TTC34: variants seen among roughly 807,000 people sequenced by gnomAD.
TTC34 encodes tetratricopeptide repeat domain 34.
A neutral mutation model predicts 40.7 loss-of-function variants in TTC34; 44 were observed. That is an observed-to-expected ratio of 1.08 (90% CI 0.85 to 1.39). The LOEUF is 1.39. Among genes scored for constraint, TTC34 ranks in the 40% most tolerant of loss-of-function variants. TTC34 has a pLI of 0.00. For missense variants in TTC34, 884 were observed against 838.0 expected (o/e 1.05, Z -0.68); for synonymous variants, 422 against 398.6 (o/e 1.06, Z -0.70).
chr1:2,759,394 A>C (rs1641615605), intron 6 of TTC34, among the ~76,000 whole-genome samples: 1 of 97,476 alleles, frequency 1.0e-5, no homozygotes, highest in Non-Finnish European at 1.9e-5. Flanking sequence ...AGCAGCACCC[A>C]CACCCCCAGG....
exon 3 of TTC34, chr1:2,789,793 C>T (rs1643641176): frequency 6.0e-6 from 3 of 500,810 alleles, no homozygotes; most frequent in Admixed American, 4.4e-5. Context: ...CCGGGTGCGG[C>T]GCCCCCTGCT....
intron 6 of TTC34, among the ~76,000 whole-genome samples, chr1:2,694,508 AC>A (rs1192952160): frequency 1.1e-5 from 1 of 93,346 alleles, no homozygotes; most frequent in African/African-American, 4.7e-5. Context: ...CAGGACCCAC[AC>A]CCCCAGGTGA....
At chr1:2,685,899 A>C (rs1191971252) in intron 6 of TTC34, among the ~76,000 whole-genome samples, 1 of 146,704 alleles carries the variant, frequency 6.8e-6, no homozygotes, top group African/African-American at 2.6e-5. Context: ...AGCATCTGAC[A>C]GCCTGGAACA....
At chr1:2,685,922 C>G (rs576267294) in intron 6 of TTC34, among the ~76,000 whole-genome samples, 62 of 146,208 alleles carry the variant, frequency 4.2e-4, no homozygotes, top group Non-Finnish European at 5.9e-4. Context: ...ACGCACACCC[C>G]CAGGTGAGCA....
At chr1:2,800,988 A>C (rs1034304373) in intron 1 of TTC34, 120 bp from the exon 2 acceptor site, 1 of 397,476 alleles carries the variant, frequency 2.5e-6, no homozygotes, top group Non-Finnish European at 4.4e-6. Flanking sequence ...GTCAGTGCAG[A>C]CCCCACTGGG....
chr1:2,776,633 A>T (rs1476842238), intron 6 of TTC34, among the ~76,000 whole-genome samples: 1 of 25,144 alleles, frequency 4.0e-5, no homozygotes, highest in Non-Finnish European at 7.1e-5. Flanking sequence ...AGCCCGGGAA[A>T]GTACCCTCCA....
intron 6 of TTC34, among the ~76,000 whole-genome samples, chr1:2,698,965 C>G (rs1385456541): frequency 7.2e-6 from 1 of 138,320 alleles, no homozygotes; most frequent in Admixed American, 7.4e-5. Context: ...GAACATCACC[C>G]TGCCCCCCCA....
At chr1:2,675,051 G>C (rs1639848277) in intron 6 of TTC34, among the ~76,000 whole-genome samples, 1 of 133,000 alleles carries the variant, frequency 7.5e-6, no homozygotes, top group African/African-American at 2.7e-5. Flanking sequence ...CCACAGGTGA[G>C]CATCGGAGAG....
chr1:2,691,009 C>T (rs1015779546), intron 6 of TTC34, among the ~76,000 whole-genome samples: 2 of 82,342 alleles, frequency 2.4e-5, no homozygotes, highest in Non-Finnish European at 5.9e-5. Context: ...CAGCCTGGAG[C>T]GGAACCCACA....
chr1:2,753,366 G>T (rs1342611873), intron 6 of TTC34, among the ~76,000 whole-genome samples: 103 of 125,376 alleles, frequency 8.2e-4, no homozygotes, highest in Middle Eastern at 4.0e-3. Flanking sequence ...GCCTAGAACA[G>T]CACCCACACC....
At chr1:2,757,030 C>CAGGTG (rs1641529737) in intron 6 of TTC34, among the ~76,000 whole-genome samples, 1 of 148,576 alleles carries the variant, frequency 6.7e-6, no homozygotes, top group East Asian at 2.0e-4. Flanking sequence ...CGCGCACCCC[C>CAGGTG]AGGTGAGCAT....
At chr1:2,751,685 CA>C (rs1641325561) in intron 6 of TTC34, among the ~76,000 whole-genome samples, 2 of 138,600 alleles carry the variant, frequency 1.4e-5, no homozygotes, top group Non-Finnish European at 3.1e-5. Flanking sequence ...TCAGCACCCA[CA>C]ACCCCAAGCG....
chr1:2,784,681 C>T (rs1557688978), intron 5 of TTC34, among the ~76,000 whole-genome samples: 1 of 152,226 alleles, frequency 6.6e-6, no homozygotes, highest in East Asian at 1.9e-4. Flanking sequence ...GACCCTACAC[C>T]CACTGGTTAT....
chr1:2,775,371 G>A (rs1643030291), intron 6 of TTC34: 1 of 146,416 alleles, frequency 6.8e-6, no homozygotes, highest in Admixed American at 6.7e-5. Context: ...GAATATGACA[G>A]AATAAAGCAG....
At chr1:2,767,825 C>G (rs1315752126) in intron 6 of TTC34, among the ~76,000 whole-genome samples, 2 of 147,854 alleles carry the variant, frequency 1.4e-5, no homozygotes, top group African/African-American at 4.9e-5. Context: ...GAGCATCTGA[C>G]AGCCTGGAGC....
exon 9 of TTC34, chr1:2,641,191 A>C: frequency 2.0e-5 from 7 of 349,966 alleles, no homozygotes; most frequent in Non-Finnish European, 1.3e-5. Flanking sequence ...AGGGTTGGGA[A>C]GGGGGGTTGT....
In TTC34 at chr1:2,644,371, C is replaced by T. The variant is rs753937876; in HGVS notation, c.2605G>A (p.Val869Met). Residue 869 changes from valine (V) to methionine (M), a missense_variant, in exon 8 of 9, where the codon GTG becomes ATG. Transcript: ENST00000401095. ...TGCAGGTCCCTTGCAGCCCCTGGCA[C>T]GTCTCCCTTCTTGAGCTGGAGCAGG... is the stretch of plus-strand genomic sequence containing the variant. 4.8e-5 allele frequency: 74 copies of T among 1,536,018 alleles called. No homozygotes were observed. The Middle Eastern group carries it at 6.7e-4, about 14-fold the overall frequency.
chr1:2,795,381 G>A (rs1377292943), intron 2 of TTC34, among the ~76,000 whole-genome samples: 1 of 152,240 alleles, frequency 6.6e-6, no homozygotes, highest in African/African-American at 2.4e-5. Flanking sequence ...GGCTTTACCG[G>A]ACAAGAGACT....
chr1:2,756,648 C>T (rs1641515490), intron 6 of TTC34, among the ~76,000 whole-genome samples: 81 of 147,616 alleles, frequency 5.5e-4, no homozygotes, highest in South Asian at 1.3e-3. Flanking sequence ...CATCTGACAG[C>T]CTGGAACAGC....
Sources: gnomAD v4.1 joint callset for allele counts (sites outside exome capture counted in the v4.1 genomes callset) on GRCh38, gnomAD v4.1.1 for gene constraint, MANE v1.5 for transcripts, NCBI Gene and HGNC (gene_info 2026-07-23, HGNC 2026-07-21) for gene names.